ZNF385D: variants seen among roughly 807,000 people sequenced by gnomAD.
ZNF385D encodes the protein zinc finger protein 385D.
ZNF385D carries 15 observed loss-of-function variants against 35.8 expected under a neutral mutation model. The observed-to-expected ratio is 0.42, with a 90% CI of 0.28 to 0.64. The LOEUF (loss-of-function observed/expected upper bound fraction) is 0.64. ZNF385D is among the 30% of genes least tolerant of loss of function. The pLI is 0.23. For missense variants in ZNF385D, 474 were observed against 494.6 expected, an observed-to-expected ratio of 0.96 and a Z score of 0.39; for synonymous variants, 212 against 186.8, an observed-to-expected ratio of 1.13 and a Z score of -1.10.
At chr3:22,274,223 G>T (rs1234192065) in intron 2 of ZNF385D, among the ~76,000 whole-genome samples, 5 of 151,802 alleles carry the variant, frequency 3.3e-5, no homozygotes, top group East Asian at 1.9e-4. Context: ...GAAGAACAAA[G>T]AATGTATTAT....
At chr3:21,942,841 A>G (rs1454827014) in intron 3 of ZNF385D, among the ~76,000 whole-genome samples, 1 of 152,218 alleles carries the variant, frequency 6.6e-6, no homozygotes, top group Admixed American at 6.5e-5. Flanking sequence ...CAGATATAAT[A>G]TATGCTGTTC....
At chr3:21,891,189 T>C (rs1316148956) in intron 3 of ZNF385D, among the ~76,000 whole-genome samples, 1 of 152,342 alleles carries the variant, frequency 6.6e-6, no homozygotes, top group Non-Finnish European at 1.5e-5. Context: ...ACGCAGAAGG[T>C]AATCAATAAA....
At position 21,602,517 on chromosome 3, in the gene ZNF385D, CTTTTTT is replaced by C. The variant is rs746138066; in HGVS notation, c.166-37839_166-37834del. The stretch of plus-strand genomic sequence containing the variant: ...TAGGTCTCCTGTTTCCCTGCATTTT[CTTTTTT>C]TTTTTTTTTTTTTTTTTTTTGAGAC... On this transcript the variant is annotated intron_variant, in intron 2 of 7. Transcript: ENST00000281523. Among the ~76,000 whole-genome samples the C allele has an allele frequency of 2.7e-3, 168 of 62,690 alleles. 1 individual carries two copies. Among genetic ancestry groups the C allele is most frequent in the Non-Finnish European group, 3.8e-3 (128 of 34,082 alleles). 41.1% of individuals were successfully genotyped at this position (62,690 alleles called of 152,430 possible).
intron 4 of ZNF385D, among the ~76,000 whole-genome samples, chr3:21,474,568 T>C (rs1704111498): frequency 6.6e-6 from 1 of 152,124 alleles, no homozygotes; most frequent in Admixed American, 6.6e-5. Context: ...TGAGCCTTTA[T>C]CCTACACCAT....
intron 4 of ZNF385D, among the ~76,000 whole-genome samples, chr3:21,503,128 T>C (rs1706513384): frequency 6.6e-6 from 1 of 152,172 alleles, no homozygotes; most frequent in African/African-American, 2.4e-5. Context: ...TATAGATTCA[T>C]AACCCACAAA....
At chr3:22,162,880 T>C (rs1472465290) in intron 3 of ZNF385D, among the ~76,000 whole-genome samples, 1 of 152,168 alleles carries the variant, frequency 6.6e-6, no homozygotes, top group Admixed American at 6.5e-5. Context: ...GGTAGTGTCT[T>C]ATTTGGATTC....
At chr3:21,442,967 G>A (rs1269189232) in intron 4 of ZNF385D, among the ~76,000 whole-genome samples, 5 of 151,852 alleles carry the variant, frequency 3.3e-5, no homozygotes, top group African/African-American at 1.2e-4. Context: ...GAGAAAGAGT[G>A]GCTGTTTTTG....
Position 21,437,064 on chromosome 3 carries a change from A to G in ZNF385D, c.579T>C (p.Thr193=), listed in dbSNP as rs768381077. 3 of 1,614,006 alleles carry G rather than the reference A, an allele frequency of 1.9e-6. No individual in the cohort carries two copies. The highest frequency in any genetic ancestry group is 4.5e-5 in the East Asian group (2 of 44,872). Residue 193 remains threonine (T), a synonymous_variant, in exon 5 of 8, where the codon ACT becomes ACC. Transcript: ENST00000281523. ...GTTTTGCCTTTTCTTCCTCGGTCTCAGTAGAAGGACATGAGCTATTGCCAG... is the reference window on the plus strand; with the variant it reads ...GTTTTGCCTTTTCTTCCTCGGTCTCGGTAGAAGGACATGAGCTATTGCCAG... ...TATGNSSCPS[T]ETEEEKAKRL...
At chr3:21,862,295 T>C (rs1279348891) in intron 3 of ZNF385D, among the ~76,000 whole-genome samples, 1 of 131,078 alleles carries the variant, frequency 7.6e-6, no homozygotes, top group African/African-American at 2.6e-5. Context: ...TATCTCTACT[T>C]TTTTTTTTTT....
chr3:21,621,554 C>CGTGTGTGTAT (rs1553625102), intron 2 of ZNF385D, among the ~76,000 whole-genome samples: 1 of 136,904 alleles, frequency 7.3e-6, no homozygotes, highest in Non-Finnish European at 1.5e-5. Flanking sequence ...AAAAAATTCC[C>CGTGTGTGTAT]GTGTGTGTGT....
intron 3 of ZNF385D, among the ~76,000 whole-genome samples, chr3:22,118,096 A>C (rs1702900623): frequency 6.6e-6 from 1 of 152,108 alleles, no homozygotes; most frequent in Admixed American, 6.6e-5. Context: ...GAAATGTCAT[A>C]AAATGTTTAG....
In ZNF385D at chr3:21,641,308, A is replaced by G. The variant is rs529972182; in HGVS notation, c.165+23578T>C. Among the ~76,000 whole-genome samples the G allele has an allele frequency of 2.3e-4, 35 of 152,018 alleles. No individual in the cohort carries two copies. The South Asian group carries it at 5.0e-3, about 22-fold the overall frequency. Reference sequence around the variant, plus strand: ...AATTTTAATATGAGGAATGAAGTACAGTACCAGACAAGTTGGTGAAGAGGA... The same window carrying G: ...AATTTTAATATGAGGAATGAAGTACGGTACCAGACAAGTTGGTGAAGAGGA... On this transcript the variant is annotated intron_variant, in intron 2 of 7. Coordinates refer to ENST00000281523, the MANE Select transcript of ZNF385D (RefSeq NM_024697.3).
chr3:21,730,313 A>G (rs933019622), intron 1 of ZNF385D, among the ~76,000 whole-genome samples: 1 of 152,222 alleles, frequency 6.6e-6, no homozygotes, highest in Admixed American at 6.5e-5. Context: ...CAGTTCCCCA[A>G]AGGGGAAAAG....
intron 1 of ZNF385D, among the ~76,000 whole-genome samples, chr3:21,723,860 T>C (rs931053713): frequency 2.0e-5 from 3 of 151,828 alleles, no homozygotes; most frequent in Non-Finnish European, 2.9e-5. Flanking sequence ...AGATTTACCA[T>C]GGTGGAAATG....
intron 2 of ZNF385D, among the ~76,000 whole-genome samples, chr3:21,630,906 G>C (rs960772394): frequency 2.6e-5 from 4 of 152,070 alleles, no homozygotes; most frequent in African/African-American, 9.7e-5. Flanking sequence ...TTAGTGAGAT[G>C]AAGTAATTAC....
intron 2 of ZNF385D, among the ~76,000 whole-genome samples, chr3:21,630,701 A>G (rs962373370): frequency 1.2e-4 from 18 of 152,112 alleles, no homozygotes; most frequent in African/African-American, 4.1e-4. Context: ...ATGACTTACT[A>G]ATCATTTTTC....
At chr3:21,620,605 C>CA (rs1428712230) in intron 2 of ZNF385D, among the ~76,000 whole-genome samples, 1 of 152,160 alleles carries the variant, frequency 6.6e-6, no homozygotes, top group Non-Finnish European at 1.5e-5. Context: ...CACTGAATGT[C>CA]AGGCAAGATA....
chr3:21,975,739 A>ATATATATATATATATG lies in ZNF385D; in HGVS notation c.325+193077_325+193078insCATATATATATATATA, dbSNP rs1703571249. 6.0e-4 allele frequency among the ~76,000 whole-genome samples: 29 copies of ATATATATATATATATG among 48,374 alleles called. 1 individual carries two copies. The highest frequency in any genetic ancestry group is 8.8e-4 in the Non-Finnish European group (23 of 26,254). 31.7% of individuals were successfully genotyped at this position (48,374 alleles called of 152,430 possible). On this transcript the variant is annotated intron_variant, in intron 3 of 5. Coordinates refer to the ZNF385D transcript ENST00000494108. ...TATATATATATATATATATATATAT[A>ATATATATATATATATG]TATATATATATATATACACACACTA...
chr3:22,278,457 C>A (rs1701546206), intron 2 of ZNF385D, among the ~76,000 whole-genome samples: 1 of 152,102 alleles, frequency 6.6e-6, no homozygotes, highest in Non-Finnish European at 1.5e-5. Flanking sequence ...TTGTATTCTG[C>A]TCACTCTCTT....
Sources: allele counts gnomAD v4.1 joint callset (sites outside exome capture counted in the v4.1 genomes callset), GRCh38; gene constraint gnomAD v4.1.1; transcripts MANE v1.5; gene names NCBI Gene and HGNC (gene_info 2026-07-23, HGNC 2026-07-21).